Variants in DYNC1I1 observed in about 807,000 individuals in gnomAD.
DYNC1I1 encodes dynein cytoplasmic 1 intermediate chain 1, also known as cytoplasmic dynein 1 intermediate chain 1.
In DYNC1I1, 43 loss-of-function variants were observed where a neutral mutation model predicts 86.6. The ratio of observed to expected loss-of-function variants is 0.50; its 90% CI spans 0.39 to 0.64. DYNC1I1 has a LOEUF of 0.64. Among genes scored for constraint, DYNC1I1 ranks in the 30% least tolerant of loss-of-function variants. The pLI is 0.00. For synonymous variants in DYNC1I1, 262 were observed against 283.7 expected (o/e 0.92, Z 0.77); for missense variants, 604 against 788.8 (o/e 0.77, Z 2.81).
intron 6 of DYNC1I1, among the ~76,000 whole-genome samples, chr7:95,870,368 G>T (rs1158196258): frequency 9.9e-6 from 1 of 100,596 alleles, no homozygotes. Flanking sequence ...CATTTACATG[G>T]CTTAGCAAAC....
chr7:96,065,374 CTTTCTTTTTT>C (rs1483410250), intron 14 of DYNC1I1, among the ~76,000 whole-genome samples: 1 of 137,342 alleles, frequency 7.3e-6, no homozygotes, highest in Non-Finnish European at 1.5e-5. Context: ...TTTTTTCTTT[CTTTCTTTTTT>C]TTTTTTTTTT....
intron 5 of DYNC1I1, among the ~76,000 whole-genome samples, chr7:95,851,504 AG>A (rs1339272011): frequency 2.6e-5 from 4 of 152,312 alleles, no homozygotes; most frequent in Admixed American, 6.5e-5. Context: ...TTGGATAAAG[AG>A]GGGCTACTGT....
intron 6 of DYNC1I1, among the ~76,000 whole-genome samples, chr7:95,954,113 A>T (rs1042114946): frequency 6.6e-6 from 1 of 152,022 alleles, no homozygotes; most frequent in African/African-American, 2.4e-5. Context: ...GGAGGGAAGG[A>T]TATTAGGGAA....
At chr7:95,998,876 G>C (rs938486739) in intron 10 of DYNC1I1, among the ~76,000 whole-genome samples, 1 of 152,156 alleles carries the variant, frequency 6.6e-6, no homozygotes, top group African/African-American at 2.4e-5. Flanking sequence ...ATGGTGTTTT[G>C]TAAAGACTGA....
At chr7:95,849,628 G>C (rs758001544) in intron 5 of DYNC1I1, among the ~76,000 whole-genome samples, 2 of 152,112 alleles carry the variant, frequency 1.3e-5, no homozygotes, top group African/African-American at 2.4e-5. Flanking sequence ...AAGGTTTGTA[G>C]TATATTTTGA....
intron 15 of DYNC1I1, among the ~76,000 whole-genome samples, chr7:96,077,261 G>GTGTC (rs1790370396): frequency 6.6e-6 from 1 of 151,846 alleles, no homozygotes; most frequent in South Asian, 2.1e-4. Flanking sequence ...GTGTGTGTGT[G>GTGTC]TGTGTGTGTG....
chr7:95,779,421 G>A (rs1391384410), intron 1 of DYNC1I1, among the ~76,000 whole-genome samples: 1 of 152,164 alleles, frequency 6.6e-6, no homozygotes, highest in Admixed American at 6.5e-5. Context: ...TTATTGTGAG[G>A]ATTGCAGACA....
chr7:96,020,859 G>C (rs1177184753), intron 10 of DYNC1I1, among the ~76,000 whole-genome samples: 1 of 152,060 alleles, frequency 6.6e-6, no homozygotes, highest in Non-Finnish European at 1.5e-5. Flanking sequence ...GATAAACCAT[G>C]GGGACATTAT....
intron 6 of DYNC1I1, among the ~76,000 whole-genome samples, chr7:95,871,735 G>A (rs923313958): frequency 2.6e-4 from 39 of 152,160 alleles, no homozygotes; most frequent in Non-Finnish European, 5.4e-4. Context: ...GGAAAAGGCT[G>A]TACATTCCAT....
chr7:96,029,783 C>T (rs1273317635), intron 11 of DYNC1I1, among the ~76,000 whole-genome samples: 3 of 151,670 alleles, frequency 2.0e-5, no homozygotes, highest in Admixed American at 6.6e-5. Flanking sequence ...TGGTGGTGCA[C>T]GCCTGTAATC....
chr7:95,849,788 A>G (rs968644187), intron 5 of DYNC1I1, among the ~76,000 whole-genome samples: 1 of 152,140 alleles, frequency 6.6e-6, no homozygotes, highest in Non-Finnish European at 1.5e-5. Flanking sequence ...GATTACATAG[A>G]ATTTGTAGGT....
chr7:95,800,202 G>GAAAAAGATCAGAAGATCTAACTTCA, intron 1 of DYNC1I1, among the ~76,000 whole-genome samples: 1 of 151,936 alleles, frequency 6.6e-6, no homozygotes, highest in East Asian at 1.9e-4. Flanking sequence ...AAAATCAGTA[G>GAAAAAGATCAGAAGATCTAACTTCA]TAGAGAGCTG....
intron 6 of DYNC1I1, among the ~76,000 whole-genome samples, chr7:95,886,796 A>G (rs1790604818): frequency 6.6e-6 from 1 of 152,242 alleles, no homozygotes; most frequent in Non-Finnish European, 1.5e-5. Context: ...TCTGGAGAAC[A>G]TATGAAAGGA....
chr7:95,932,022 A>G (rs899957184), intron 6 of DYNC1I1, among the ~76,000 whole-genome samples: 3 of 152,196 alleles, frequency 2.0e-5, no homozygotes, highest in East Asian at 3.8e-4. Flanking sequence ...CTATTTTTAC[A>G]TAAATGGTAT....
intron 1 of DYNC1I1, among the ~76,000 whole-genome samples, chr7:95,791,834 A>G (rs1226448578): frequency 6.6e-6 from 1 of 152,220 alleles, no homozygotes; most frequent in Non-Finnish European, 1.5e-5. Flanking sequence ...GGATGAGACA[A>G]TGTTAGGAGT....
At chr7:95,847,210 A>G (rs962828330) in intron 5 of DYNC1I1, among the ~76,000 whole-genome samples, 6 of 152,170 alleles carry the variant, frequency 3.9e-5, no homozygotes, top group Non-Finnish European at 7.3e-5. Context: ...ATTCTTTTCC[A>G]AAGTCTCCAA....
chr7:95,863,016 T>C (rs1466529302), intron 5 of DYNC1I1, among the ~76,000 whole-genome samples: 1 of 152,176 alleles, frequency 6.6e-6, no homozygotes, highest in East Asian at 1.9e-4. Context: ...TGATCAGCAG[T>C]TGGTTGAATA....
chr7:95,963,174 A>G (rs1042693173), intron 6 of DYNC1I1, among the ~76,000 whole-genome samples: 1 of 151,954 alleles, frequency 6.6e-6, no homozygotes, highest in Non-Finnish European at 1.5e-5. Context: ...CTCGAATTGA[A>G]CTCCATAAAA....
rs189139535 is a variant in DYNC1I1 at position 95,791,374 on chromosome 7, A to G, written c.-9-13347A>G. On this transcript the variant is annotated intron_variant, in intron 1 of 16. Transcript: ENST00000447467. ...ACAGAGAATCTGGCTCCTTTATCAT[A>G]CAGCAGGCCAAGGACTCAGAGTCAA... Among the ~76,000 whole-genome samples, 344 of 152,342 alleles carry G rather than the reference A, an allele frequency of 2.3e-3. 1 individual carries two copies. Among genetic ancestry groups the G allele is most frequent in the African/African-American group, 7.8e-3 (323 of 41,588 alleles).
Sources: gnomAD v4.1 joint callset for allele counts (sites outside exome capture counted in the v4.1 genomes callset) on GRCh38, gnomAD v4.1.1 for gene constraint, MANE v1.5 for transcripts, NCBI Gene and HGNC (gene_info 2026-07-23, HGNC 2026-07-21) for gene names.